The following CAPN14 variants were observed in gnomAD, a reference collection of about 807,000 sequenced individuals.
The protein encoded by CAPN14 is calpain-14.
CAPN14 carries 94 observed loss-of-function variants against 101.3 expected under a neutral mutation model. The ratio of observed to expected loss-of-function variants is 0.93; its 90% CI spans 0.79 to 1.10. The LOEUF is 1.10. Among genes scored for constraint, CAPN14 ranks in the 50% least tolerant of loss-of-function variants. CAPN14 has a pLI of 0.00. For synonymous variants in CAPN14, 338 were observed against 317.9 expected, an observed-to-expected ratio of 1.06 and a Z score of -0.67; for missense variants, 837 against 828.4, an observed-to-expected ratio of 1.01 and a Z score of -0.13.
At chr2:31,223,542 C>CTTTTTTTTT (rs35488335) in intron 2 of CAPN14, among the ~76,000 whole-genome samples, 1 of 132,078 alleles carries the variant, frequency 7.6e-6, no homozygotes, top group African/African-American at 2.9e-5. Flanking sequence ...TTTTTCTTTT[C>CTTTTTTTTT]TTTTTTTTTT....
At chr2:31,201,179 A>G (rs1313491275) in intron 5 of CAPN14, among the ~76,000 whole-genome samples, 2 of 133,220 alleles carry the variant, frequency 1.5e-5, no homozygotes, top group Non-Finnish European at 3.2e-5. Flanking sequence ...GCGTGCATGT[A>G]TGTGCATGTG....
At position 31,180,984 on chromosome 2, in the gene CAPN14, C is replaced by CT; in HGVS notation, c.1661dup (p.Pro555AlafsTer4). ...GGCAGGCTTCCAGGCTAAAGAAGGG[C>CT]TGTCTGCTCCCCAGACCTGTGAAGG... On this transcript the variant is annotated frameshift_variant, in exon 17 of 22. Coordinates refer to ENST00000403897, the MANE Select transcript of CAPN14 (RefSeq NM_001145122.2). LOFTEE classifies it high-confidence loss of function. The CT allele has an allele frequency of 6.4e-7, 1 of 1,551,828 alleles. No homozygotes were observed. The highest frequency in any genetic ancestry group is 1.4e-5 in the African/African-American group (1 of 73,196).
intron 1 of CAPN14, among the ~76,000 whole-genome samples, chr2:31,233,562 A>T (rs1049865298): frequency 6.6e-6 from 1 of 152,148 alleles, no homozygotes; most frequent in African/African-American, 2.4e-5. Context: ...ATCCACAGTC[A>T]CCAAAATTGT....
At chr2:31,200,982 G>T (rs1459231542) in intron 5 of CAPN14, among the ~76,000 whole-genome samples, 1 of 152,112 alleles carries the variant, frequency 6.6e-6, no homozygotes, top group African/African-American at 2.4e-5. Context: ...AAAGCTGCTT[G>T]CGGGAAACCT....
upstream of CAPN14, among the ~76,000 whole-genome samples, chr2:31,218,610 A>G (rs939975560): frequency 6.6e-6 from 1 of 152,220 alleles, no homozygotes; most frequent in Non-Finnish European, 1.5e-5. Flanking sequence ...TGCTAAGCAC[A>G]TTGCATGCAG....
chr2:31,192,086 T>C lies in CAPN14; in HGVS notation c.1127A>G (p.Lys376Arg). ...GACAGACAGCAGGAACTGCGGGTTCTTCCAAAATGTGTCTGGAGCAGAACA... is the reference window on the plus strand; with the variant it reads ...GACAGACAGCAGGAACTGCGGGTTCCTCCAAAATGTGTCTGGAGCAGAACA... Reference protein sequence around the residue: ...QRQLLQDTFWKNPQFLLSVWR... With the variant: ...QRQLLQDTFWRNPQFLLSVWR... The change falls in exon 11 of 22, where the codon AAG becomes AGG. Residue 376 changes from lysine (K) to arginine (R), a missense_variant. Lys to Arg is a conservative substitution (Grantham distance 26). Coordinates refer to ENST00000403897, the MANE Select transcript of CAPN14 (RefSeq NM_001145122.2). The C allele has an allele frequency of 6.5e-7, 1 of 1,548,618 alleles. No homozygotes were observed. Among genetic ancestry groups the C allele is most frequent in the Non-Finnish European group, 8.7e-7 (1 of 1,145,648 alleles).
chr2:31,200,193 C>T (rs767947012), intron 6 of CAPN14, among the ~76,000 whole-genome samples: 11 of 152,112 alleles, frequency 7.2e-5, no homozygotes, highest in Non-Finnish European at 1.5e-4. Context: ...TCAGCAGAGA[C>T]GGGGTTTCAC....
chr2:31,194,132 T>G (rs1014738752), intron 9 of CAPN14, among the ~76,000 whole-genome samples: 1 of 152,126 alleles, frequency 6.6e-6, no homozygotes, highest in African/African-American at 2.4e-5. Context: ...TTGAATACAC[T>G]GAGCAAGAGA....
chr2:31,215,284 AG>A (rs1682591760), intron 1 of CAPN14, among the ~76,000 whole-genome samples: 1 of 145,042 alleles, frequency 6.9e-6, no homozygotes, highest in Non-Finnish European at 1.5e-5. Flanking sequence ...TTTTTTTTGC[AG>A]GGGCATTTGC....
intron 1 of CAPN14, chr2:31,228,240 T>G (rs1404500863): frequency 2.6e-5 from 4 of 152,358 alleles, no homozygotes; most frequent in African/African-American, 9.6e-5. Flanking sequence ...GTATTCCAGG[T>G]TGCTGCTACA....
intron 16 of CAPN14, among the ~76,000 whole-genome samples, chr2:31,181,435 T>TTTCC (rs1369111333): frequency 8.4e-5 from 12 of 142,298 alleles, no homozygotes; most frequent in Non-Finnish European, 1.2e-4. Context: ...TCTTTCTTTC[T>TTTCC]TTCTTTCTTT....
intron 1 of CAPN14, among the ~76,000 whole-genome samples, chr2:31,206,237 C>T (rs1572426046): frequency 6.6e-6 from 1 of 151,940 alleles, no homozygotes; most frequent in African/African-American, 2.4e-5. Context: ...GGATGTCTCT[C>T]CCATCCCAGG....
At position 31,197,324 on chromosome 2, in the gene CAPN14, T is replaced by C. The variant is rs1248575988; in HGVS notation, c.800A>G (p.Lys267Arg). The C allele has an allele frequency of 3.9e-6, 6 of 1,550,204 alleles. No homozygotes were observed. Among genetic ancestry groups the C allele is most frequent in the Non-Finnish European group, 5.2e-6 (6 of 1,145,436 alleles). Reference protein sequence around the residue: ...TLTGIRKVTCKHRPEYLVKLR... With the variant: ...TLTGIRKVTCRHRPEYLVKLR... ...CTTGACGAGATATTCAGGTCTATGT[T>C]TGCAGGTCACCTGCATAAAATGAGA... Residue 267 changes from lysine (K) to arginine (R), a missense_variant, in exon 8 of 22, where the codon AAA becomes AGA. Physicochemically the swap from Lys to Arg is conservative, Grantham distance 26. Transcript: ENST00000403897.
intron 8 of CAPN14, among the ~76,000 whole-genome samples, chr2:31,196,060 C>T (rs1045903368): frequency 4.0e-5 from 6 of 151,768 alleles, no homozygotes; most frequent in Non-Finnish European, 5.9e-5. Context: ...AAGAGAAACA[C>T]GGACATAAAA....
rs764875851 is a variant in CAPN14, at chr2:31,189,426, G to A, written c.1340C>T (p.Pro447Leu). 2 of 1,551,716 alleles carry A rather than the reference G, an allele frequency of 1.3e-6. No homozygotes were observed. The highest frequency in any genetic ancestry group is 2.4e-5 in the South Asian group (2 of 84,056). ...GAGAAACCTATCAGGCTGGCTCAGA[G>A]GAGTGTTTCTCTGGAAGAACTCAGG... is the stretch of plus-strand genomic sequence containing the variant. ...LPPEFFQRNT[P>L]LSQPDRFLKE... is the part of the protein sequence containing the mutation. Residue 447 changes from proline (P) to leucine (L), a missense_variant, in exon 13 of 22, where the codon CCT becomes CTT. Physicochemically the swap from Pro to Leu is moderately conservative, Grantham distance 98. Transcript: ENST00000403897.
chr2:31,188,732 T>A (rs1681035017), intron 13 of CAPN14, among the ~76,000 whole-genome samples: 1 of 151,926 alleles, frequency 6.6e-6, no homozygotes, highest in Non-Finnish European at 1.5e-5. Context: ...GGCAAAATAA[T>A]ATGTTTGGTT....
In CAPN14 at chr2:31,173,945, T is replaced by G. The variant is rs1680171423; in HGVS notation, c.*736A>C. 6.6e-6 allele frequency: 1 copy of G among 152,224 alleles called. No individual in the cohort carries two copies. The highest frequency in any genetic ancestry group is 2.4e-5 in the African/African-American group (1 of 41,454). The allele number at this position is 152,224 out of a possible 1,614,324, so 9.4% of individuals were successfully genotyped here. A position where few individuals can be genotyped will look rare whatever the true frequency, so the allele number is the denominator to read the frequency against. On this transcript the variant is annotated 3_prime_UTR_variant, in exon 22 of 22. Coordinates refer to ENST00000403897, the MANE Select transcript of CAPN14 (RefSeq NM_001145122.2). ...AGAGAATTTCTGGACAGATTTGAAA[T>G]GGATCTGATAGTCTATATATCAAGC...
intron 1 of CAPN14, among the ~76,000 whole-genome samples, chr2:31,213,654 C>T (rs1179774288): frequency 6.6e-6 from 1 of 152,196 alleles, no homozygotes; most frequent in African/African-American, 2.4e-5. Context: ...AATTTTATCT[C>T]TAATTGATTC....
intron 5 of CAPN14, 106 bp downstream of exon 5, chr2:31,201,756 T>C: frequency 7.1e-7 from 1 of 1,406,254 alleles, no homozygotes; most frequent in Non-Finnish European, 9.6e-7. Context: ...AAGACATGCC[T>C]CAGGATCTCA....
Sources: gnomAD v4.1 joint callset for allele counts (sites outside exome capture counted in the v4.1 genomes callset) on GRCh38, gnomAD v4.1.1 for gene constraint, MANE v1.5 for transcripts, NCBI Gene and HGNC (gene_info 2026-07-23, HGNC 2026-07-21) for gene names.